Variants in EEF2 observed in about 807,000 individuals in gnomAD.
EEF2 encodes eukaryotic translation elongation factor 2.
Under a neutral mutation model 85.3 loss-of-function variants are expected in EEF2, and 21 were observed. The ratio of observed to expected loss-of-function variants is 0.25; its 90% CI spans 0.17 to 0.35. The LOEUF (loss-of-function observed/expected upper bound fraction) is 0.35, where lower values mean the gene tolerates loss of function less well. EEF2 is among the 10% of genes least tolerant of loss of function. The pLI is 1.00. For missense variants in EEF2, 825 were observed against 1,225.3 expected (o/e 0.67, Z 4.88); for synonymous variants, 723 against 508.8 (o/e 1.42, Z -5.67).
chr19:3,980,336 G>C (rs1486857420), intron 9 of EEF2, among the ~76,000 whole-genome samples, 178 bp downstream of exon 9: 1 of 152,252 alleles, frequency 6.6e-6, no homozygotes, highest in Non-Finnish European at 1.5e-5. Flanking sequence ...CCTGGGGCTT[G>C]GAGCTTCTCC....
rs371668422 is a variant in EEF2, at chr19:3,985,386, C to A, written c.-6G>T. The A allele has an allele frequency of 6.6e-7, 1 of 1,512,414 alleles. No individual in the cohort carries two copies. The highest frequency in any genetic ancestry group is 8.9e-7 in the Non-Finnish European group (1 of 1,127,342). The allele number at this position is 1,512,414 out of a possible 1,614,324, so 93.7% of individuals were successfully genotyped here. A position where few individuals can be genotyped will look rare whatever the true frequency, so the allele number is the denominator to read the frequency against. On this transcript the variant is annotated 5_prime_UTR_variant, in exon 1 of 15. Coordinates refer to ENST00000309311, the MANE Select transcript of EEF2 (RefSeq NM_001961.4). ...GAGGCAGGGTTACTCACCATGGTGG[C>A]GGATGGCGGTGGATTCTCCCAGGTA...
intron 3 of EEF2, 44 bp from the exon 4 acceptor site, chr19:3,983,062 G>A (rs774011068): frequency 3.1e-6 from 5 of 1,611,386 alleles, no homozygotes; most frequent in Admixed American, 3.3e-5. Context: ...CCTCAAGCAA[G>A]GATGGCCCCC....
intron 1 of EEF2, chr19:3,985,069 G>A (rs1254910205): frequency 2.7e-6 from 1 of 368,708 alleles, no homozygotes; most frequent in Non-Finnish European, 4.8e-6. Flanking sequence ...CTGTCTCCCC[G>A]CTTCCACCGC....
In EEF2 at chr19:3,977,961, T is replaced by C. The variant is rs1281127382; in HGVS notation, c.1925A>G (p.Asp642Gly). The C allele has an allele frequency of 6.2e-7, 1 of 1,613,390 alleles. No individual in the cohort carries two copies. Residue 642 changes from aspartate (D) to glycine (G), a missense_variant, in exon 12 of 15, where the codon GAC (aspartate) becomes GGC (glycine). Physicochemically the swap from Asp to Gly is moderately conservative, Grantham distance 94. Transcript: ENST00000309311. This position sits in a 1 kb window ranked among gnomAD's most constrained non-coding sequence, Gnocchi z 5.4. ...ARYLAEKYEW[D>G]VAEARKIWCF... ...CCAGATCTTGCGGGCCTCAGCCACG[T>C]CCCACTCGTACTTCTCGGCCAGGTA...
At chr19:3,978,454 A>G (rs1274338028) in intron 11 of EEF2, among the ~76,000 whole-genome samples, 3 of 152,162 alleles carry the variant, frequency 2.0e-5, no homozygotes, top group Non-Finnish European at 4.4e-5. Flanking sequence ...GGCCTGTCCC[A>G]ACCCCTCCAG....
chr19:3,984,819 G>A (rs922052356), intron 1 of EEF2: 2 of 186,782 alleles, frequency 1.1e-5, no homozygotes, highest in East Asian at 1.5e-4. Context: ...GAGCCGGAAC[G>A]GCCCTAACTG....
rs116539487 is a variant in EEF2, at chr19:3,979,673, C to T, written c.1605+135G>A. 9.4e-4 allele frequency: 1,300 copies of T among 1,376,060 alleles called. 12 individuals are homozygous for T. The African/African-American group carries it at 0.016, about 17-fold the overall frequency. The allele number at this position is 1,376,060 out of a possible 1,614,324, so 85.2% of individuals were successfully genotyped here. On this transcript the variant is annotated intron_variant, in intron 10 of 14. Transcript: ENST00000309311. Reference sequence around the variant, plus strand: ...CCTGGGCAGGAGTCTCCATTTACAGCCACAGCCAAGAACCCCTCCTTTCAT... The same window carrying T: ...CCTGGGCAGGAGTCTCCATTTACAGTCACAGCCAAGAACCCCTCCTTTCAT...
chr19:3,983,916 T>C (rs1487514364), intron 2 of EEF2: 2 of 582,078 alleles, frequency 3.4e-6, no homozygotes, highest in East Asian at 5.8e-5. Flanking sequence ...ACCACGGAGT[T>C]AAGCCCCCTC....
chr19:3,976,333 A>AC lies in EEF2; in HGVS notation c.*220dup, dbSNP rs1350198987. On this transcript the variant is annotated 3_prime_UTR_variant, in exon 15 of 15. Transcript: ENST00000309311. ...TCCCCGACCGGCCCATTAAGTCCCT[A>AC]CTAAGAGGGCGTGTCTGCTGCCTCC... 4.0e-6 allele frequency: 2 copies of AC among 498,828 alleles called. No homozygotes were observed. Among genetic ancestry groups the AC allele is most frequent in the African/African-American group, 4.0e-5 (2 of 49,902 alleles). 30.9% of individuals were successfully genotyped at this position (498,828 alleles called of 1,614,324 possible).
At position 3,985,421 on chromosome 19, in the gene EEF2, G is replaced by C; in HGVS notation, c.-41C>G. 2 of 1,477,340 alleles carry C rather than the reference G, an allele frequency of 1.4e-6. No homozygotes were observed. The highest frequency in any genetic ancestry group is 1.4e-5 in the African/African-American group (1 of 69,646). 91.5% of individuals were successfully genotyped at this position (1,477,340 alleles called of 1,614,324 possible). ...TGGATTCTCCCAGGTAGAACCGAAA[G>C]AAGCGAGTCGCGCCGAGGATGGCGG... is the stretch of plus-strand genomic sequence containing the variant. On this transcript the variant is annotated 5_prime_UTR_variant, in exon 1 of 15. Coordinates refer to ENST00000309311, the MANE Select transcript of EEF2 (RefSeq NM_001961.4).
In EEF2 at chr19:3,982,007, G is replaced by A. The variant is rs763528172; in HGVS notation, c.837C>T (p.Ser279=). The change falls in exon 6 of 15, where the codon AGC becomes AGT. Residue 279 remains serine, a synonymous_variant. Transcript: ENST00000309311. ...TGCGTGGCAGCTTCTTCCCTTCGGG[G>A]CTGGTGGCTGACTTGCTGAACTTGC... is the stretch of plus-strand genomic sequence containing the variant. ...ANGKFSKSAT[S]PEGKKLPRTF... is the part of the protein sequence containing the mutation. 5.3e-5 allele frequency: 86 copies of A among 1,614,100 alleles called. No homozygotes were observed. Among genetic ancestry groups the A allele is most frequent in the Non-Finnish European group, 7.1e-5 (84 of 1,180,046 alleles).
intron 1 of EEF2, 136 bp downstream of exon 1, chr19:3,985,242 A>G: frequency 9.8e-7 from 1 of 1,020,860 alleles, no homozygotes; most frequent in African/African-American, 1.7e-5. Flanking sequence ...CCGCTTCCCC[A>G]GCCCCGGGTC....
Position 3,979,656 on chromosome 19 carries a change from G to A in EEF2, c.1605+152C>T, listed in dbSNP as rs1433571171. On this transcript the variant is annotated intron_variant, in intron 10 of 14. Coordinates refer to ENST00000309311, the MANE Select transcript of EEF2 (RefSeq NM_001961.4). ...GGAGAGGGTGGTGGCTGCCTGGGCA[G>A]GAGTCTCCATTTACAGCCACAGCCA... 6 of 1,248,444 alleles carry A rather than the reference G, an allele frequency of 4.8e-6. No individual in the cohort carries two copies. The East Asian group carries it at 7.0e-5, about 15-fold the overall frequency. The allele number at this position is 1,248,444 out of a possible 1,614,324, so 77.3% of individuals were successfully genotyped here.
In EEF2 at chr19:3,983,226, C is replaced by T. The variant is rs764015216; in HGVS notation, c.284G>A (p.Gly95Asp). ...DLNFIKQSKD[G>D]AGFLINLIDS... ...AATGAGGTTGATGAGGAAGCCGGCA[C>T]CGTCCTTGCTCTGCTTGATGAAGTT... The change falls in exon 3 of 15, where the codon GGT becomes GAT. Residue 95 changes from glycine (G) to aspartate (D), a missense_variant. Gly to Asp is a moderately conservative substitution (Grantham distance 94). Transcript: ENST00000309311. 9.9e-6 allele frequency: 16 copies of T among 1,613,980 alleles called. No homozygotes were observed. Among genetic ancestry groups the T allele is most frequent in the Non-Finnish European group, 1.3e-5 (15 of 1,179,996 alleles).
Position 3,976,244 on chromosome 19 carries a change from T to C in EEF2, c.*310A>G, listed in dbSNP as rs576324207. ...CTTAATGCGTTTGTTAAAATTAGTT[T>C]GGACATCTGAGTTTCCCTCTGAAGA... On this transcript the variant is annotated 3_prime_UTR_variant, in exon 15 of 15. Coordinates refer to ENST00000309311, the MANE Select transcript of EEF2 (RefSeq NM_001961.4). 1 of 380,220 alleles carries C rather than the reference T, an allele frequency of 2.6e-6. No individual in the cohort carries two copies. The highest frequency in any genetic ancestry group is 3.0e-5 in the South Asian group (1 of 32,808). 23.6% of individuals were successfully genotyped at this position (380,220 alleles called of 1,614,324 possible).
Position 3,985,365 on chromosome 19 carries a change from C to T in EEF2, c.3+13G>A. The T allele has an allele frequency of 2.0e-6, 3 of 1,493,806 alleles. No individual in the cohort carries two copies. The highest frequency in any genetic ancestry group is 2.7e-6 in the Non-Finnish European group (3 of 1,115,844). 92.5% of individuals were successfully genotyped at this position (1,493,806 alleles called of 1,614,324 possible). A position where few individuals can be genotyped will look rare whatever the true frequency, so the allele number is the denominator to read the frequency against. On this transcript the variant is annotated intron_variant, in intron 1 of 14. Coordinates refer to ENST00000309311, the MANE Select transcript of EEF2 (RefSeq NM_001961.4). ...CCGCCGCTCCGGGGCACCAGCGAGG[C>T]AGGGTTACTCACCATGGTGGCGGAT...
Position 3,976,743 on chromosome 19 carries a change from G to A in EEF2, c.2388C>T (p.Phe796=), listed in dbSNP as rs753095380. Residue 796 remains phenylalanine (F), a synonymous_variant, in exon 15 of 15, where the codon TTC becomes TTT. Coordinates refer to ENST00000309311, the MANE Select transcript of EEF2 (RefSeq NM_001961.4). ...AYLPVNESFG[F]TADLRSNTGG... is the part of the protein sequence containing the mutation. ...CCGTGTTGGACCTCAGGTCAGCGGTGAAGCCTGCAGAGGGAAGCGAGAGGC... is the reference window on the plus strand; with the variant it reads ...CCGTGTTGGACCTCAGGTCAGCGGTAAAGCCTGCAGAGGGAAGCGAGAGGC... The A allele has an allele frequency of 3.8e-6, 6 of 1,576,290 alleles. No homozygotes were observed. The highest frequency in any genetic ancestry group is 1.3e-5 in the African/African-American group (1 of 74,170).
intron 9 of EEF2, 65 bp downstream of exon 9, chr19:3,980,449 A>G: frequency 6.5e-7 from 1 of 1,534,952 alleles, no homozygotes; most frequent in South Asian, 1.2e-5. Context: ...TGAGGAGCCC[A>G]AGACTTGGAG....
intron 1 of EEF2, 103 bp from the exon 2 acceptor site, chr19:3,984,453 G>T: frequency 2.3e-6 from 3 of 1,327,556 alleles, no homozygotes; most frequent in South Asian, 1.3e-5. Context: ...GGCCAGGAGG[G>T]GGTTGGTGCT....
Sources: allele counts gnomAD v4.1 joint callset (sites outside exome capture counted in the v4.1 genomes callset), GRCh38; gene constraint gnomAD v4.1.1; non-coding constraint Gnocchi (gnomAD v3.1); transcripts MANE v1.5; gene names NCBI Gene and HGNC (gene_info 2026-07-23, HGNC 2026-07-21).